The following AGER variants were observed in gnomAD, a reference collection of about 807,000 sequenced individuals.
AGER encodes advanced glycation end product-specific receptor.
Under a neutral mutation model 48.8 loss-of-function variants are expected in AGER, and 46 were observed. The ratio of observed to expected loss-of-function variants is 0.94; its 90% CI spans 0.74 to 1.20. The LOEUF (loss-of-function observed/expected upper bound fraction) is 1.20. Ranked by LOEUF, AGER falls within the 50% of genes most tolerant of loss-of-function variation. The pLI is 0.00. For synonymous variants in AGER, 170 were observed against 199.9 expected (o/e 0.85, Z 1.26); for missense variants, 489 against 515.0 (o/e 0.95, Z 0.49).
rs570369407 is a variant in AGER, at chr6:32,181,645, G to T, written c.965-13C>A. ...TCCTCGCCTGGTTCTGGAAGACAAA[G>T]TTGGATCCAGTCAGAAAGGAAGACT... is the stretch of plus-strand genomic sequence containing the variant. On this transcript the variant is annotated splice_polypyrimidine_tract_variant and intron_variant, in intron 8 of 10. Transcript: ENST00000375076. The surrounding 1 kb of genome is among the most constrained non-coding windows in gnomAD (Gnocchi z 4.1). The T allele has an allele frequency of 1.6e-5, 25 of 1,612,754 alleles. No individual in the cohort carries two copies. The highest frequency in any genetic ancestry group is 1.9e-5 in the Non-Finnish European group (23 of 1,179,946).
In AGER at chr6:32,183,645, C is replaced by T. The variant is rs1258326838; in HGVS notation, c.265G>A (p.Val89Ile). Residue 89 changes from valine (V) to isoleucine (I), a missense_variant, in exon 3 of 11, where the codon GTC becomes ATC. By Grantham distance (29) the Val-to-Ile change is conservative. Transcript: ENST00000375076. ...AAAATCCCCTCATCCTGGATCCCGACAGCCGGAAGGAAGAGGGAGCCGTTG... is the reference window on the plus strand; with the variant it reads ...AAAATCCCCTCATCCTGGATCCCGATAGCCGGAAGGAAGAGGGAGCCGTTG... Reference protein sequence around the residue: ...LPNGSLFLPAVGIQDEGIFRC... With the variant: ...LPNGSLFLPAIGIQDEGIFRC... 1.2e-6 allele frequency: 2 copies of T among 1,612,964 alleles called. No individual in the cohort carries two copies. Among genetic ancestry groups the T allele is most frequent in the Non-Finnish European group, 1.7e-6 (2 of 1,180,040 alleles).
rs764348350 is a variant in AGER, at chr6:32,183,563, C to T, written c.347G>A (p.Arg116His). The change falls in exon 3 of 11, where the codon CGT (arginine) becomes CAT (histidine). Residue 116 changes from arginine (R) to histidine (H), a missense_variant. By Grantham distance (29) the Arg-to-His change is conservative. Coordinates refer to ENST00000375076, the MANE Select transcript of AGER (RefSeq NM_001136.5). ...GKETKSNYRV[R>H]VYQIPGKPEI... Reference sequence around the variant, plus strand: ...GACCCTGGAATTCTTACGGTAGACACGGACTCGGTAGTTGGACTTGGTCTC... The same window carrying T: ...GACCCTGGAATTCTTACGGTAGACATGGACTCGGTAGTTGGACTTGGTCTC... 1.4e-5 allele frequency: 22 copies of T among 1,612,926 alleles called. No individual in the cohort carries two copies. The highest frequency in any genetic ancestry group is 4.0e-5 in the African/African-American group (3 of 74,906).
rs1786080432 is a variant in AGER, at chr6:32,181,038, G to A, written c.*105C>T. ...TGTAGAAGAAAGCTTGGCAAGGTGG[G>A]GTTATACAGGAGAGAGATTATACAG... is the stretch of plus-strand genomic sequence containing the variant. On this transcript the variant is annotated 3_prime_UTR_variant, in exon 11 of 11. Coordinates refer to ENST00000375076, the MANE Select transcript of AGER (RefSeq NM_001136.5). This position sits in a 1 kb window ranked among gnomAD's most constrained non-coding sequence, Gnocchi z 4.1. 3 of 1,181,704 alleles carry A rather than the reference G, an allele frequency of 2.5e-6. No homozygotes were observed. In the Admixed American group the frequency reaches 5.7e-5, roughly 22 times the overall value. 73.2% of individuals were successfully genotyped at this position (1,181,704 alleles called of 1,614,324 possible). A position where few individuals can be genotyped will look rare whatever the true frequency, so the allele number is the denominator to read the frequency against.
At position 32,183,601 on chromosome 6, in the gene AGER, G is replaced by A; in HGVS notation, c.309C>T (p.Asn103=). 6.2e-7 allele frequency: 1 copy of A among 1,613,064 alleles called. No individual in the cohort carries two copies. The highest frequency in any genetic ancestry group is 8.5e-7 in the Non-Finnish European group (1 of 1,180,024). The part of the protein sequence containing the change: ...DEGIFRCQAM[N]RNGKETKSNY... ...TGGACTTGGTCTCCTTTCCATTCCTGTTCATTGCCTGGCACCGGAAAATCC... is the reference window on the plus strand; with the variant it reads ...TGGACTTGGTCTCCTTTCCATTCCTATTCATTGCCTGGCACCGGAAAATCC... Residue 103 remains asparagine, a synonymous_variant, in exon 3 of 11, where the codon AAC becomes AAT. Transcript: ENST00000375076.
rs1395581264 is a variant in AGER at position 32,182,481 on chromosome 6, C to T, written c.822+87G>A. 6.3e-6 allele frequency: 10 copies of T among 1,590,108 alleles called. No individual in the cohort carries two copies. The East Asian group carries it at 2.2e-4, about 36-fold the overall frequency. ...CCCTCTCTTCCTCCTCAGCTCCTAG[C>T]CTGCCTTTCCCTCGTTAGCCCTCTG... is the stretch of plus-strand genomic sequence containing the variant. On this transcript the variant is annotated intron_variant, in intron 7 of 10. Transcript: ENST00000375076. This position sits in a 1 kb window ranked among gnomAD's most constrained non-coding sequence, Gnocchi z 5.1.
chr6:32,182,901 T>C lies in AGER; in HGVS notation c.631A>G (p.Ser211Gly). The change falls in exon 6 of 11, where the codon AGC (serine) becomes GGC (glycine). Residue 211 changes from serine to glycine, a missense_variant. Ser to Gly is a moderately conservative substitution (Grantham distance 56, BLOSUM62 0). Coordinates refer to ENST00000375076, the MANE Select transcript of AGER (RefSeq NM_001136.5). This position sits in a 1 kb window ranked among gnomAD's most constrained non-coding sequence, Gnocchi z 5.1. ...GCCCGGTGTCGGGGAAGGCCTGGGC[T>C]GAAGCTACAGGAGAAGGTGGGACGG... ...DPRPTFSCSF[S>G]PGLPRHRALR... The C allele has an allele frequency of 6.2e-7, 1 of 1,611,796 alleles. No individual in the cohort carries two copies. Among genetic ancestry groups the C allele is most frequent in the Non-Finnish European group, 8.5e-7 (1 of 1,179,456 alleles).
Position 32,180,995 on chromosome 6 carries a change from A to T in AGER, c.*148T>A, listed in dbSNP as rs547847182. On this transcript the variant is annotated 3_prime_UTR_variant, in exon 11 of 11. Coordinates refer to ENST00000375076, the MANE Select transcript of AGER (RefSeq NM_001136.5). ...AAGATGTGTCAGGTGTTTAATCATC[A>T]TTGTGGGGGGCTCTGGTTGTAGAAG... 1.3e-6 allele frequency: 1 copy of T among 791,298 alleles called. No individual in the cohort carries two copies. The highest frequency in any genetic ancestry group is 1.6e-5 in the South Asian group (1 of 62,014). The allele number at this position is 791,298 out of a possible 1,614,324, so 49.0% of individuals were successfully genotyped here. A position where few individuals can be genotyped will look rare whatever the true frequency, so the allele number is the denominator to read the frequency against.
intron 3 of AGER, 54 bp from the exon 4 acceptor site, chr6:32,183,442 T>C (rs772267075): frequency 7.5e-6 from 12 of 1,608,930 alleles, no homozygotes; most frequent in Non-Finnish European, 9.4e-6. Flanking sequence ...TCTCAAACTC[T>C]GTGTGTGGAA....
chr6:32,183,071 G>A, intron 5 of AGER, 43 bp downstream of exon 5: 1 of 1,612,990 alleles, frequency 6.2e-7, no homozygotes, highest in Non-Finnish European at 8.5e-7. Context: ...GTGTGGGAGT[G>A]AGATCAGGGA....
At chr6:32,183,409 T>A in intron 3 of AGER, 21 bp from the exon 4 acceptor site, 1 of 1,611,746 alleles carries the variant, frequency 6.2e-7, no homozygotes, top group Non-Finnish European at 8.5e-7. Flanking sequence ...AAAAATCCAG[T>A]CAGAGGCTGT....
rs1401530406 is a variant in AGER at position 32,182,657 on chromosome 6, C to T, written c.733G>A (p.Glu245Lys). The change falls in exon 7 of 11, where the codon GAA (glutamate) becomes AAA (lysine). Residue 245 changes from glutamate to lysine, a missense_variant. Coordinates refer to ENST00000375076, the MANE Select transcript of AGER (RefSeq NM_001136.5). The surrounding 1 kb of genome is among the most constrained non-coding windows in gnomAD (Gnocchi z 5.1). Reference protein sequence around the residue: ...LEEVQLVVEPEGGAVAPGGTV... With the variant: ...LEEVQLVVEPKGGAVAPGGTV... ...CCACCAGGAGCTACTGCTCCACCTT[C>T]TGGCTCCACCACCAATTGGACCTCC... The T allele has an allele frequency of 1.9e-6, 3 of 1,612,962 alleles. No individual in the cohort carries two copies. In the African/African-American group the frequency reaches 4.0e-5, roughly 22 times the overall value.
Position 32,181,318 on chromosome 6 carries a change from C to T in AGER, c.1118+33G>A. On this transcript the variant is annotated intron_variant, in intron 10 of 10. Transcript: ENST00000375076. This position sits in a 1 kb window ranked among gnomAD's most constrained non-coding sequence, Gnocchi z 4.1. The stretch of plus-strand genomic sequence containing the variant: ...CCTCTTCGCTTGCTGCCTGGAAGCC[C>T]TAGGTCTGAGGGGTCTGGCTTTCTC... 6.2e-7 allele frequency: 1 copy of T among 1,613,686 alleles called. No homozygotes were observed. The highest frequency in any genetic ancestry group is 8.5e-7 in the Non-Finnish European group (1 of 1,179,952).
At position 32,182,885 on chromosome 6, in the gene AGER, C is replaced by G; in HGVS notation, c.647G>C (p.Arg216Pro). The G allele has an allele frequency of 6.2e-7, 1 of 1,611,222 alleles. No homozygotes were observed. Among genetic ancestry groups the G allele is most frequent in the Non-Finnish European group, 8.5e-7 (1 of 1,179,304 alleles). ...GGGGGCTGTGCGCAAGGCCCGGTGT[C>G]GGGGAAGGCCTGGGCTGAAGCTACA... ...FSCSFSPGLP[R>P]HRALRTAPIQ... is the part of the protein sequence containing the mutation. Residue 216 changes from arginine to proline, a missense_variant, in exon 6 of 11, where the codon CGA becomes CCA. By Grantham distance (103) the Arg-to-Pro change is moderately radical. Transcript: ENST00000375076. The surrounding 1 kb of genome is among the most constrained non-coding windows in gnomAD (Gnocchi z 5.1).
At position 32,182,123 on chromosome 6, in the gene AGER, TG is replaced by T; in HGVS notation, c.964+123del. On this transcript the variant is annotated intron_variant, in intron 8 of 10. Coordinates refer to ENST00000375076, the MANE Select transcript of AGER (RefSeq NM_001136.5). The surrounding 1 kb of genome is among the most constrained non-coding windows in gnomAD (Gnocchi z 5.1). ...GGGTGGGGCAGGGGAGGCTTGGGTG[TG>T]GGTGCATGGAGGGAGAGGTGGGGTG... 1 of 1,367,426 alleles carries T rather than the reference TG, an allele frequency of 7.3e-7. No homozygotes were observed. Among genetic ancestry groups the T allele is most frequent in the Non-Finnish European group, 1.0e-6 (1 of 972,514 alleles). The allele number at this position is 1,367,426 out of a possible 1,614,324, so 84.7% of individuals were successfully genotyped here.
chr6:32,181,082 C>T lies in AGER; in HGVS notation c.*61G>A, dbSNP rs1393502933. 1.3e-6 allele frequency: 2 copies of T among 1,560,272 alleles called. No individual in the cohort carries two copies. The highest frequency in any genetic ancestry group is 1.8e-6 in the Non-Finnish European group (2 of 1,132,432). On this transcript the variant is annotated 3_prime_UTR_variant, in exon 11 of 11. Transcript: ENST00000375076. This position sits in a 1 kb window ranked among gnomAD's most constrained non-coding sequence, Gnocchi z 4.1. Reference sequence around the variant, plus strand: ...TATACAGGAGAGAGTTGGTCTGAGGCCAGAACAGTTCAAGGGAAAAAGAAA... The same window carrying T: ...TATACAGGAGAGAGTTGGTCTGAGGTCAGAACAGTTCAAGGGAAAAAGAAA...
Position 32,182,659 on chromosome 6 carries a change from G to A in AGER, c.731C>T (p.Pro244Leu). Residue 244 changes from proline (P) to leucine (L), a missense_variant, in exon 7 of 11, where the codon CCA becomes CTA. Pro to Leu is a moderately conservative substitution (Grantham distance 98). Coordinates refer to ENST00000375076, the MANE Select transcript of AGER (RefSeq NM_001136.5). This position sits in a 1 kb window ranked among gnomAD's most constrained non-coding sequence, Gnocchi z 5.1. ...PLEEVQLVVEPEGGAVAPGGT... is the reference protein window; with the variant it reads ...PLEEVQLVVELEGGAVAPGGT... Reference sequence around the variant, plus strand: ...ACCAGGAGCTACTGCTCCACCTTCTGGCTCCACCACCAATTGGACCTCCTC... The same window carrying A: ...ACCAGGAGCTACTGCTCCACCTTCTAGCTCCACCACCAATTGGACCTCCTC... 1.9e-6 allele frequency: 3 copies of A among 1,613,032 alleles called. No homozygotes were observed. In the South Asian group the frequency reaches 3.3e-5, roughly 18 times the overall value.
rs1786267482 is a variant in AGER at position 32,181,770 on chromosome 6, T to A, written c.965-138A>T. On this transcript the variant is annotated intron_variant, in intron 8 of 10. Coordinates refer to ENST00000375076, the MANE Select transcript of AGER (RefSeq NM_001136.5). The surrounding 1 kb of genome is among the most constrained non-coding windows in gnomAD (Gnocchi z 4.1). The stretch of plus-strand genomic sequence containing the variant: ...TTCACTTTTGTTGCCCAGGCTGGCA[T>A]GCAATGGTGCGATCTTGGCTCATCG... 1.1e-6 allele frequency: 1 copy of A among 909,830 alleles called. No homozygotes were observed. The highest frequency in any genetic ancestry group is 2.5e-5 in the Admixed American group (1 of 40,368). 56.4% of individuals were successfully genotyped at this position (909,830 alleles called of 1,614,324 possible).
At position 32,182,845 on chromosome 6, in the gene AGER, G is replaced by A; in HGVS notation, c.687C>T (p.Val229=). Residue 229 remains valine (V), a synonymous_variant, in exon 6 of 11, where the codon GTC becomes GTT. Transcript: ENST00000375076. The surrounding 1 kb of genome is among the most constrained non-coding windows in gnomAD (Gnocchi z 5.1). ...ALRTAPIQPR[V]WEPVPLEEVQ... The stretch of plus-strand genomic sequence containing the variant: ...GCCCTCCCCACCTATGCTCACCCCA[G>A]ACACGGGGCTGGATGGGGGCTGTGC... 1.2e-6 allele frequency: 2 copies of A among 1,612,206 alleles called. No homozygotes were observed. Among genetic ancestry groups the A allele is most frequent in the Non-Finnish European group, 1.7e-6 (2 of 1,179,728 alleles).
rs1280330660 is a variant in AGER at position 32,183,134 on chromosome 6, G to A, written c.488C>T (p.Pro163Leu). Residue 163 changes from proline to leucine, a missense_variant, in exon 5 of 11, where the codon CCC (proline) becomes CTC (leucine). Transcript: ENST00000375076. ...GTLSWHLDGK[P>L]LVPNEKGVSV... ...CTCACCCTTCTCATTAGGCACCAGG[G>A]GCTTCCCATCCAAGTGCCAGCTAAG... is the stretch of plus-strand genomic sequence containing the variant. The A allele has an allele frequency of 1.9e-6, 3 of 1,613,050 alleles. No homozygotes were observed. The highest frequency in any genetic ancestry group is 2.5e-6 in the Non-Finnish European group (3 of 1,180,026).
Sources: gnomAD v4.1 joint callset for allele counts on GRCh38, gnomAD v4.1.1 for gene constraint, Gnocchi (gnomAD v3.1) non-coding constraint, MANE v1.5 for transcripts, NCBI Gene and HGNC (gene_info 2026-07-23, HGNC 2026-07-21) for gene names.